Variants in CEP43 observed in about 807,000 individuals in gnomAD.
The protein encoded by CEP43 is centrosomal protein 43, also known as FGFR1 oncogene partner.
Under a neutral mutation model 52.6 loss-of-function variants are expected in CEP43, and 36 were observed. The observed-to-expected ratio is 0.68, with a 90% CI of 0.52 to 0.90. The LOEUF is 0.90. CEP43 is among the 40% of genes least tolerant of loss of function. The pLI is 0.00. For missense variants in CEP43, 506 were observed against 472.8 expected, an observed-to-expected ratio of 1.07 and a Z score of -0.65; for synonymous variants, 192 against 172.4, an observed-to-expected ratio of 1.11 and a Z score of -0.89.
At chr6:167,034,228 G>A (rs1344373431) in intron 12 of CEP43, among the ~76,000 whole-genome samples, 1 of 152,170 alleles carries the variant, frequency 6.6e-6, no homozygotes. Context: ...TGGGATTGCT[G>A]TGGATTAAGA....
intron 8 of CEP43, among the ~76,000 whole-genome samples, chr6:167,022,931 A>C (rs1229818094): frequency 6.6e-6 from 1 of 152,068 alleles, no homozygotes; most frequent in Admixed American, 6.5e-5. Flanking sequence ...CAGGAAGCTC[A>C]TGCTCTGGTG....
rs1780874188 is a variant in CEP43, at chr6:167,051,860, G to A, written c.*11882G>A. ...TTGAATCAAAAGTTTGTCTCCTGTA[G>A]ATAGCATATAGTTGGATAATTTTTA... On this transcript the variant is annotated 3_prime_UTR_variant, in exon 13 of 13. Transcript: ENST00000366847. 6.6e-6 allele frequency: 1 copy of A among 152,146 alleles called. No individual in the cohort carries two copies. The highest frequency in any genetic ancestry group is 2.1e-4 in the South Asian group (1 of 4,832). The allele number at this position is 152,146 out of a possible 1,614,324, so 9.4% of individuals were successfully genotyped here. A position where few individuals can be genotyped will look rare whatever the true frequency, so the allele number is the denominator to read the frequency against.
At chr6:167,006,378 G>A (rs941513098) in intron 5 of CEP43, among the ~76,000 whole-genome samples, 4 of 152,106 alleles carry the variant, frequency 2.6e-5, no homozygotes, top group African/African-American at 7.2e-5. Flanking sequence ...AGCTGGGCGC[G>A]GTGGTGTGTG....
At chr6:167,034,940 A>G (rs893545507) in intron 12 of CEP43, among the ~76,000 whole-genome samples, 3 of 152,220 alleles carry the variant, frequency 2.0e-5, no homozygotes, top group Non-Finnish European at 4.4e-5. Flanking sequence ...GCATCATCCT[A>G]AAGAGGCCTG....
chr6:167,036,323 A>C (rs1780584529), intron 12 of CEP43: 3 of 985,280 alleles, frequency 3.0e-6, no homozygotes. Flanking sequence ...CCAGAGCTTC[A>C]CTGGAGGGTG....
In CEP43 at chr6:167,041,389, G is replaced by A. The variant is rs1780690564; in HGVS notation, c.*1411G>A. ...GACATAAACTGGGCCGGTACAGCCTGGGAGCCCTGTGTATTTCTGCCCTCC... is the reference window on the plus strand; with the variant it reads ...GACATAAACTGGGCCGGTACAGCCTAGGAGCCCTGTGTATTTCTGCCCTCC... On this transcript the variant is annotated 3_prime_UTR_variant, in exon 13 of 13. Transcript: ENST00000366847. 1 of 1,060,976 alleles carries A rather than the reference G, an allele frequency of 9.4e-7. No individual in the cohort carries two copies. The highest frequency in any genetic ancestry group is 5.4e-5 in the Admixed American group (1 of 18,584). The allele number at this position is 1,060,976 out of a possible 1,614,324, so 65.7% of individuals were successfully genotyped here. A position where few individuals can be genotyped will look rare whatever the true frequency, so the allele number is the denominator to read the frequency against.
intron 7 of CEP43, 112 bp from the exon 8 acceptor site, chr6:167,022,297 A>AC (rs1780254504): frequency 1.7e-5 from 10 of 600,860 alleles, no homozygotes; most frequent in East Asian, 3.0e-5. Flanking sequence ...CACACACACA[A>AC]AGGTTGCACA....
chr6:167,019,277 C>CGCAT lies in CEP43; in HGVS notation c.580-3132_580-3131insGCAT, dbSNP rs1562528037. Among the ~76,000 whole-genome samples, 133 of 150,572 alleles carry CGCAT rather than the reference C, an allele frequency of 8.8e-4. 4 individuals are homozygous for CGCAT. The East Asian group carries it at 0.017, about 19-fold the overall frequency. ...CACACGCATACACCTGCTGTGCACA[C>CGCAT]ACATACACCTGCTGTGCACACGCGT... On this transcript the variant is annotated intron_variant, in intron 7 of 12. Transcript: ENST00000366847.
In CEP43 at chr6:167,003,175, T is replaced by A. The variant is rs761060310; in HGVS notation, c.157-18T>A. 14 of 469,700 alleles carry A rather than the reference T, an allele frequency of 3.0e-5. No individual in the cohort carries two copies. Among genetic ancestry groups the A allele is most frequent in the East Asian group, 6.0e-5 (1 of 16,778 alleles). 29.1% of individuals were successfully genotyped at this position (469,700 alleles called of 1,614,324 possible). ...TTAGGGTAAACACATGACACTTAAA[T>A]TTTTTTTTTTTTAACAGAACAAAAC... On this transcript the variant is annotated intron_variant, in intron 2 of 12. Coordinates refer to ENST00000366847, the MANE Select transcript of CEP43 (RefSeq NM_007045.4).
At chr6:167,037,639 A>G (rs937622872) in intron 12 of CEP43, among the ~76,000 whole-genome samples, 2 of 152,240 alleles carry the variant, frequency 1.3e-5, no homozygotes, top group Non-Finnish European at 2.9e-5. Flanking sequence ...TTTACTTACA[A>G]CTTAAATTTC....
intron 1 of CEP43, chr6:166,999,813 C>G (rs1020111132): frequency 7.2e-6 from 4 of 556,590 alleles, no homozygotes; most frequent in African/African-American, 2.0e-5. Context: ...CAGCTGGGCC[C>G]TGGAGTGCGG....
chr6:167,009,979 G>C (rs150077347), intron 5 of CEP43, among the ~76,000 whole-genome samples: 5 of 152,342 alleles, frequency 3.3e-5, no homozygotes, highest in Admixed American at 6.5e-5. Context: ...TCAAAGGCCA[G>C]TTTAAGGATT....
intron 10 of CEP43, among the ~76,000 whole-genome samples, chr6:167,030,836 C>A (rs1408790886): frequency 6.8e-6 from 1 of 147,328 alleles, no homozygotes; most frequent in East Asian, 2.0e-4. Context: ...TGCACTTTTT[C>A]ACTCCTGTCT....
chr6:167,009,481 C>T (rs1280417352), intron 5 of CEP43, among the ~76,000 whole-genome samples: 4 of 122,652 alleles, frequency 3.3e-5, no homozygotes, highest in Non-Finnish European at 6.4e-5. Flanking sequence ...CTGCACTCCA[C>T]AGAGCGAGAC....
rs1780827101 is a variant in CEP43 at position 167,048,231 on chromosome 6, A to G, written c.*8253A>G. The G allele has an allele frequency of 6.6e-6, 1 of 152,248 alleles. No individual in the cohort carries two copies. The highest frequency in any genetic ancestry group is 1.5e-5 in the Non-Finnish European group (1 of 68,074). 9.4% of individuals were successfully genotyped at this position (152,248 alleles called of 1,614,324 possible). ...AACATAGTAAGACCCCTATCTCTAC[A>G]AAAAATATAAAAATTAGCTAGGCAT... is the stretch of plus-strand genomic sequence containing the variant. On this transcript the variant is annotated 3_prime_UTR_variant, in exon 13 of 13. Coordinates refer to ENST00000366847, the MANE Select transcript of CEP43 (RefSeq NM_007045.4).
chr6:167,037,999 TCAGCTGTCAGTGGGACCTGCC>T (rs1400865889), intron 12 of CEP43, among the ~76,000 whole-genome samples: 2 of 152,216 alleles, frequency 1.3e-5, no homozygotes, highest in African/African-American at 4.8e-5. Context: ...CTGTCCTTGT[TCAGCTGTCAGTGGGACCTGCC>T]CAGCTGTATG....
chr6:167,020,860 G>C (rs913759477), intron 7 of CEP43, among the ~76,000 whole-genome samples: 2 of 139,268 alleles, frequency 1.4e-5, no homozygotes, highest in African/African-American at 2.7e-5. Flanking sequence ...AGTTAGCCCA[G>C]ATTGCCCCAC....
intron 5 of CEP43, among the ~76,000 whole-genome samples, chr6:167,009,520 A>AAAC (rs1779934415): frequency 1.3e-5 from 2 of 150,152 alleles, no homozygotes; most frequent in East Asian, 3.9e-4. Flanking sequence ...AAAAAAAAAA[A>AAAC]AAAAAAAAAT....
chr6:166,999,591 C>T (rs1173288688), intron 1 of CEP43, 77 bp downstream of exon 1: 2 of 1,083,220 alleles, frequency 1.8e-6, no homozygotes, highest in Non-Finnish European at 2.5e-6. Flanking sequence ...ACGGTCGCGG[C>T]GAGGAGGCCG....
Sources: gnomAD v4.1 joint callset for allele counts (sites outside exome capture counted in the v4.1 genomes callset) on GRCh38, gnomAD v4.1.1 for gene constraint, MANE v1.5 for transcripts, NCBI Gene and HGNC (gene_info 2026-07-23, HGNC 2026-07-21) for gene names.